The following RPRD2 variants were observed in gnomAD, a reference collection of about 807,000 sequenced individuals.
RPRD2 encodes regulation of nuclear pre-mRNA domain-containing protein 2.
In RPRD2, 12 loss-of-function variants were observed where a neutral mutation model predicts 104.4. The ratio of observed to expected loss-of-function variants is 0.11; its 90% CI spans 0.07 to 0.19. The LOEUF (loss-of-function observed/expected upper bound fraction) is 0.19. RPRD2 is among the 10% of genes least tolerant of loss of function. The probability of loss-of-function intolerance (pLI) is 1.00; values close to 1 mark genes in which losing one functional copy is unlikely to be tolerated. For synonymous variants in RPRD2, 714 were observed against 684.9 expected (o/e 1.04, Z -0.66); for missense variants, 1,543 against 1,790.1 (o/e 0.86, Z 2.49).
intron 7 of RPRD2, among the ~76,000 whole-genome samples, chr1:150,449,187 G>A (rs587617872): frequency 2.6e-5 from 4 of 152,272 alleles, no homozygotes; most frequent in Non-Finnish European, 5.9e-5. Context: ...ATTGGCTAAT[G>A]GATAAGCAGG....
intron 1 of RPRD2, 46 bp downstream of exon 1, chr1:150,364,965 AG>A (rs1187729266): frequency 6.3e-7 from 1 of 1,594,798 alleles, no homozygotes; most frequent in Non-Finnish European, 8.6e-7. Context: ...GGGAAATGGA[AG>A]GAAGTGTGGC....
intron 2 of RPRD2, among the ~76,000 whole-genome samples, chr1:150,429,854 A>C (rs1347754721): frequency 6.6e-6 from 1 of 152,248 alleles, no homozygotes; most frequent in Non-Finnish European, 1.5e-5. Context: ...CATCCTTGAC[A>C]AAACTTAAGC....
chr1:150,406,751 G>A (rs1288125586), intron 1 of RPRD2, among the ~76,000 whole-genome samples: 5 of 152,136 alleles, frequency 3.3e-5, no homozygotes, highest in African/African-American at 1.2e-4. Flanking sequence ...TTTTGCTTTT[G>A]TTGCCCAGAC....
chr1:150,460,351 A>G (rs1553898577), intron 9 of RPRD2, 34 bp downstream of exon 9: 2 of 1,562,824 alleles, frequency 1.3e-6, no homozygotes, highest in South Asian at 2.3e-5. Flanking sequence ...TAAAAAGTTA[A>G]TTTCCATCTT....
rs1326659600 is a variant in RPRD2 at position 150,415,155 on chromosome 1, T to TC, written c.206-2439dup. Among the ~76,000 whole-genome samples the TC allele has an allele frequency of 6.6e-4, 100 of 151,802 alleles. 2 individuals are homozygous for TC. Among genetic ancestry groups the TC allele is most frequent in the Non-Finnish European group, 1.0e-4 (7 of 67,958 alleles). ...GCCTGCCAGCATAACATAGTGAAAC[T>TC]CCATCTCTACTAAAAATACAAAAAA... On this transcript the variant is annotated intron_variant, in intron 1 of 10. Transcript: ENST00000369068.
At chr1:150,387,053 A>G (rs1553881963) in intron 1 of RPRD2, among the ~76,000 whole-genome samples, 1 of 152,240 alleles carries the variant, frequency 6.6e-6, no homozygotes, top group South Asian at 2.1e-4. Flanking sequence ...TAGTGTCTAC[A>G]TAGTTTTTAT....
chr1:150,395,312 G>C (rs974599150), intron 1 of RPRD2, among the ~76,000 whole-genome samples: 2 of 151,480 alleles, frequency 1.3e-5, no homozygotes, highest in Non-Finnish European at 2.9e-5. Flanking sequence ...ATCTCATCCA[G>C]GTCGCTGCTA....
chr1:150,422,557 G>A (rs905446034), intron 2 of RPRD2, among the ~76,000 whole-genome samples: 65 of 151,866 alleles, frequency 4.3e-4, no homozygotes, highest in African/African-American at 1.5e-3. Context: ...TCACTTAATA[G>A]GGACAGCAGT....
intron 1 of RPRD2, among the ~76,000 whole-genome samples, chr1:150,376,002 G>A (rs887553705): frequency 2.6e-4 from 39 of 152,290 alleles, no homozygotes; most frequent in African/African-American, 8.4e-4. Flanking sequence ...GTACATCTTA[G>A]GGAGAAAGTA....
chr1:150,393,084 AAAGTT>A (rs1553883475), intron 1 of RPRD2, among the ~76,000 whole-genome samples: 2 of 152,192 alleles, frequency 1.3e-5, no homozygotes, highest in African/African-American at 2.4e-5. Flanking sequence ...CTAAAATAGA[AAAGTT>A]AAAAGGCAGT....
At chr1:150,385,592 A>G (rs1300357877) in intron 1 of RPRD2, among the ~76,000 whole-genome samples, 4 of 152,280 alleles carry the variant, frequency 2.6e-5, no homozygotes, top group African/African-American at 4.8e-5. Context: ...ATGGGTTATC[A>G]TAATACAAAT....
At chr1:150,444,507 A>G in intron 6 of RPRD2, 130 bp downstream of exon 6, 1 of 818,068 alleles carries the variant, frequency 1.2e-6, no homozygotes, top group East Asian at 2.7e-5. Context: ...CTGGTTTCCC[A>G]GGTAGTTATT....
chr1:150,425,986 A>G (rs182058633), intron 2 of RPRD2, among the ~76,000 whole-genome samples: 11 of 152,274 alleles, frequency 7.2e-5, no homozygotes, highest in Admixed American at 4.6e-4. Flanking sequence ...CTGTGGTCCA[A>G]GCTACTTGGA....
At chr1:150,377,732 C>T (rs587607698) in intron 1 of RPRD2, among the ~76,000 whole-genome samples, 1 of 152,032 alleles carries the variant, frequency 6.6e-6, no homozygotes, top group South Asian at 2.1e-4. Flanking sequence ...ATTGCTGGAT[C>T]CTTATTGTTT....
At chr1:150,388,524 T>C (rs11582226) in intron 1 of RPRD2, among the ~76,000 whole-genome samples, 1,433 of 138,838 alleles carry the variant, frequency 0.01, 18 homozygotes, top group African/African-American at 0.036. Flanking sequence ...CACACACACA[T>C]ATATACACCC....
chr1:150,473,454 G>T lies in RPRD2; in HGVS notation c.*120G>T. 1.1e-6 allele frequency: 1 copy of T among 940,036 alleles called. No homozygotes were observed. Among genetic ancestry groups the T allele is most frequent in the Non-Finnish European group, 1.5e-6 (1 of 653,436 alleles). 58.2% of individuals were successfully genotyped at this position (940,036 alleles called of 1,614,324 possible). A position where few individuals can be genotyped will look rare whatever the true frequency, so the allele number is the denominator to read the frequency against. ...CGATTTTTTTTTTATTATAACAAAG[G>T]GCCTCTCTTCCAAAGTAAGAAATCA... On this transcript the variant is annotated 3_prime_UTR_variant, in exon 11 of 11. Transcript: ENST00000369068.
At chr1:150,369,623 A>ATTTTTTTTTTTTTTTT (rs61016870) in intron 1 of RPRD2, among the ~76,000 whole-genome samples, 7 of 68,866 alleles carry the variant, frequency 1.0e-4, no homozygotes, top group Admixed American at 3.0e-4. Flanking sequence ...CGCCCAGCTA[A>ATTTTTTTTTTTTTTTT]TTTTTTTTTT....
intron 1 of RPRD2, among the ~76,000 whole-genome samples, chr1:150,387,567 C>CTTTTTTGTTTTT (rs1661670489): frequency 1.4e-5 from 1 of 73,744 alleles, no homozygotes; most frequent in South Asian, 4.7e-4. Flanking sequence ...TGCAACAGAC[C>CTTTTTTGTTTTT]TTTTTTTTTT....
At chr1:150,424,393 G>A (rs113006944) in intron 2 of RPRD2, among the ~76,000 whole-genome samples, 7,248 of 151,700 alleles carry the variant, frequency 0.048, 433 homozygotes, top group African/African-American at 0.13. Flanking sequence ...GGGTTCAAGC[G>A]ATTCTCCTGC....
Sources: allele counts gnomAD v4.1 joint callset (sites outside exome capture counted in the v4.1 genomes callset), GRCh38; gene constraint gnomAD v4.1.1; transcripts MANE v1.5; gene names NCBI Gene and HGNC (gene_info 2026-07-23, HGNC 2026-07-21).